ZFP37: variants seen among roughly 807,000 people sequenced by gnomAD.
ZFP37 encodes zinc finger protein 37 homolog.
ZFP37 carries 38 observed loss-of-function variants against 52.1 expected under a neutral mutation model. The ratio of observed to expected loss-of-function variants is 0.73; its 90% confidence interval spans 0.56 to 0.96. ZFP37 has a LOEUF of 0.96. Among genes scored for constraint, ZFP37 ranks in the 40% least tolerant of loss-of-function variants. The pLI, the probability that ZFP37 is intolerant of heterozygous loss-of-function variation, is 0.00. For missense variants in ZFP37, 695 were observed against 741.4 expected, an observed-to-expected ratio of 0.94 and a Z score of 0.73; for synonymous variants, 253 against 259.5, an observed-to-expected ratio of 0.98 and a Z score of 0.24.
At chr9:113,046,858 C>A (rs1199725582) in intron 3 of ZFP37, among the ~76,000 whole-genome samples, 1 of 152,096 alleles carries the variant, frequency 6.6e-6, no homozygotes. Flanking sequence ...GCCTGTAATC[C>A]CAGCACTTTG....
At chr9:113,056,271 GACACATC>G (rs1829142378) in intron 1 of ZFP37, among the ~76,000 whole-genome samples, 2 of 151,944 alleles carry the variant, frequency 1.3e-5, no homozygotes, top group African/African-American at 4.8e-5. Flanking sequence ...CCCTATCTCT[GACACATC>G]ACAAAGCCTC....
rs1022129375 is a variant in ZFP37 at position 113,041,469 on chromosome 9, G to T, written c.*1256C>A. 2 of 152,168 alleles carry T rather than the reference G, an allele frequency of 1.3e-5. No individual in the cohort carries two copies. The highest frequency in any genetic ancestry group is 4.8e-5 in the African/African-American group (2 of 41,424). 9.4% of individuals were successfully genotyped at this position (152,168 alleles called of 1,614,324 possible). On this transcript the variant is annotated 3_prime_UTR_variant, in exon 4 of 4. Coordinates refer to ENST00000374227, the MANE Select transcript of ZFP37 (RefSeq NM_003408.3). ...GTTTCATTCGAATTCCCTGATTGAG[G>T]TGTTTGTGTGTTAGTTCTTTGAATA...
chr9:113,042,920 A>G lies in ZFP37; in HGVS notation c.1698T>C (p.Thr566=). Residue 566 remains threonine, a synonymous_variant, in exon 4 of 4, where the codon ACT becomes ACC. Coordinates refer to ENST00000374227, the MANE Select transcript of ZFP37 (RefSeq NM_003408.3). ...ATTCATAAGGTTTCTCCCCAGTATGAGTTCTCTGATGTACAATGAGGTGAG... is the reference window on the plus strand; with the variant it reads ...ATTCATAAGGTTTCTCCCCAGTATGGGTTCTCTGATGTACAATGAGGTGAG... ...QKSHLIVHQR[T]HTGEKPYECN... 1 of 1,613,850 alleles carries G rather than the reference A, an allele frequency of 6.2e-7. No homozygotes were observed. The highest frequency in any genetic ancestry group is 8.5e-7 in the Non-Finnish European group (1 of 1,179,914).
At chr9:113,044,573 C>A (rs1034291957) in intron 3 of ZFP37, among the ~76,000 whole-genome samples, 10 of 152,018 alleles carry the variant, frequency 6.6e-5, no homozygotes, top group Admixed American at 5.2e-4. Flanking sequence ...GTTAAAAGAG[C>A]TTATGATTGT....
intron 1 of ZFP37, among the ~76,000 whole-genome samples, chr9:113,054,875 T>C (rs562065056): frequency 4.1e-4 from 63 of 152,290 alleles, no homozygotes; most frequent in African/African-American, 1.4e-3. Flanking sequence ...CTGACCTCCC[T>C]ATATCTACCT....
chr9:113,050,307 G>A (rs1278445361), intron 1 of ZFP37, among the ~76,000 whole-genome samples: 1 of 152,126 alleles, frequency 6.6e-6, no homozygotes, highest in Non-Finnish European at 1.5e-5. Context: ...GATCACCTGA[G>A]CCCAGGAGGT....
chr9:113,050,841 G>A (rs1426467748), intron 1 of ZFP37, among the ~76,000 whole-genome samples: 1 of 151,596 alleles, frequency 6.6e-6, no homozygotes, highest in African/African-American at 2.4e-5. Context: ...AGGTTACAGT[G>A]AGCCAAGATC....
chr9:113,054,617 A>G (rs1369790841), intron 1 of ZFP37, among the ~76,000 whole-genome samples: 1 of 152,230 alleles, frequency 6.6e-6, no homozygotes, highest in African/African-American at 2.4e-5. Flanking sequence ...TCCATCCACC[A>G]AATCTAGTCT....
chr9:113,049,357 C>T lies in ZFP37; in HGVS notation c.349+5G>A. On this transcript the variant is annotated splice_donor_5th_base_variant and intron_variant, in intron 3 of 3. Transcript: ENST00000374227. Reference sequence around the variant, plus strand: ...TTGCTGAAAAATTTCAAAGTTACAACTTACTTCCATCAGTTTCTTTTTGCT... The same window carrying T: ...TTGCTGAAAAATTTCAAAGTTACAATTTACTTCCATCAGTTTCTTTTTGCT... 3.1e-6 allele frequency: 5 copies of T among 1,612,472 alleles called. No homozygotes were observed. The highest frequency in any genetic ancestry group is 4.2e-6 in the Non-Finnish European group (5 of 1,179,526).
At chr9:113,045,515 T>C (rs1828934773) in intron 3 of ZFP37, among the ~76,000 whole-genome samples, 1 of 152,232 alleles carries the variant, frequency 6.6e-6, no homozygotes, top group Non-Finnish European at 1.5e-5. Context: ...TTTAAGTTTA[T>C]TCCCAGCTCT....
chr9:113,042,564 G>A lies in ZFP37; in HGVS notation c.*161C>T. 1.8e-6 allele frequency: 1 copy of A among 546,092 alleles called. No homozygotes were observed. The highest frequency in any genetic ancestry group is 3.1e-6 in the Non-Finnish European group (1 of 326,274). 33.8% of individuals were successfully genotyped at this position (546,092 alleles called of 1,614,324 possible). ...GGTTTTGTATCAAGTTTAAACCCTT[G>A]TTTCCATCCACTGATTCTATATGAA... is the stretch of plus-strand genomic sequence containing the variant. On this transcript the variant is annotated 3_prime_UTR_variant, in exon 4 of 4. Coordinates refer to ENST00000374227, the MANE Select transcript of ZFP37 (RefSeq NM_003408.3).
rs1828801757 is a variant in ZFP37, at chr9:113,038,695, A to G, written c.*4030T>C. 6.6e-6 allele frequency: 1 copy of G among 151,702 alleles called. No homozygotes were observed. The allele number at this position is 151,702 out of a possible 1,614,324, so 9.4% of individuals were successfully genotyped here. A position where few individuals can be genotyped will look rare whatever the true frequency, so the allele number is the denominator to read the frequency against. ...CTACTAGGAAGGCTAAGGTGGGAGG[A>G]GTGCTTAAGCCTGGGAGGTAGAGAT... On this transcript the variant is annotated 3_prime_UTR_variant, in exon 4 of 4. Transcript: ENST00000374227.
At chr9:113,050,516 C>T (rs1829038890) in intron 1 of ZFP37, among the ~76,000 whole-genome samples, 2 of 150,866 alleles carry the variant, frequency 1.3e-5, no homozygotes, top group African/African-American at 4.9e-5. Context: ...ATCTTTGTCT[C>T]CTCTTCTATA....
At position 113,047,123 on chromosome 9, in the gene ZFP37, A is replaced by G. The variant is rs562317889; in HGVS notation, c.349+2239T>C. Among the ~76,000 whole-genome samples the G allele has an allele frequency of 7.0e-4, 107 of 152,052 alleles. 3 individuals carry two copies. Among genetic ancestry groups the G allele is most frequent in the East Asian group, 4.6e-3 (24 of 5,172 alleles). ...GACTCCGTCTAAAAAAAAAAAAAAA[A>G]AGAGAACCTGAACCAAGAAGAGAGT... On this transcript the variant is annotated intron_variant, in intron 3 of 3. Transcript: ENST00000374227.
intron 3 of ZFP37, among the ~76,000 whole-genome samples, chr9:113,046,205 TATATATCTATATATAGAC>T (rs1026129347): frequency 5.0e-4 from 35 of 70,072 alleles, no homozygotes; most frequent in East Asian, 9.5e-4. Context: ...TGTAGACAGA[TATATATCTATATATAGAC>T]ATATATCTAT....
At chr9:113,054,991 C>T (rs1233274989) in intron 1 of ZFP37, among the ~76,000 whole-genome samples, 1 of 152,200 alleles carries the variant, frequency 6.6e-6, no homozygotes, top group Admixed American at 6.5e-5. Flanking sequence ...TGGCTTCTCA[C>T]TGCATCTAGA....
chr9:113,043,923 T>G lies in ZFP37; in HGVS notation c.695A>C (p.Lys232Thr). ...GKKQTGKKHE[K>T]LSSHSSSDKC... ...ATCAGATGAGCTATGGCTGGATAAT[T>G]TCTCATGTTTCTTTCCAGTTTGCTT... is the stretch of plus-strand genomic sequence containing the variant. The change falls in exon 4 of 4, where the codon AAA becomes ACA. Residue 232 changes from lysine to threonine, a missense_variant. This residue lies in a region of ZFP37 where 369 missense variants were observed against 340.9 expected (regional missense o/e 1.08). Coordinates refer to ENST00000374227, the MANE Select transcript of ZFP37 (RefSeq NM_003408.3). 2 of 1,614,062 alleles carry G rather than the reference T, an allele frequency of 1.2e-6. No individual in the cohort carries two copies. The highest frequency in any genetic ancestry group is 1.7e-6 in the Non-Finnish European group (2 of 1,179,944).
chr9:113,056,674 G>A lies in ZFP37; in HGVS notation c.15C>T (p.Ser5=). The A allele has an allele frequency of 6.2e-7, 1 of 1,612,784 alleles. No homozygotes were observed. Among genetic ancestry groups the A allele is most frequent in the Middle Eastern group, 1.7e-4 (1 of 6,008 alleles). Residue 5 remains serine, a synonymous_variant, in exon 1 of 4, where the codon AGC becomes AGT. Coordinates refer to ENST00000374227, the MANE Select transcript of ZFP37 (RefSeq NM_003408.3). MSVS[S]GVQILTKPET... ...CTGGCTTTGTCAGAATCTGGACGCC[G>A]CTGGAGACCGACATGGCGGCTACCC...
Position 113,045,849 on chromosome 9 carries a change from C to T in ZFP37, c.350-1581G>A, listed in dbSNP as rs531885384. ...ATTTAGGGGTGTCATTTTTCAGCTA[C>T]ATGCTATAGCATGGAATAGCAGAAA... On this transcript the variant is annotated intron_variant, in intron 3 of 3. Coordinates refer to ENST00000374227, the MANE Select transcript of ZFP37 (RefSeq NM_003408.3). Among the ~76,000 whole-genome samples the T allele has an allele frequency of 2.6e-5, 4 of 152,160 alleles. No homozygotes were observed. In the East Asian group the frequency reaches 7.7e-4, roughly 29 times the overall value.
Sources: allele counts gnomAD v4.1 joint callset (sites outside exome capture counted in the v4.1 genomes callset), GRCh38; gene constraint gnomAD v4.1.1; regional missense constraint gnomAD v4.1.1; transcripts MANE v1.5; gene names NCBI Gene and HGNC (gene_info 2026-07-23, HGNC 2026-07-21).